PDGFRA: variants seen among roughly 807,000 people sequenced by gnomAD.
PDGFRA encodes the protein platelet-derived growth factor receptor alpha.
A neutral mutation model predicts 121.5 loss-of-function variants in PDGFRA; 25 were observed. The ratio of observed to expected loss-of-function variants is 0.21; its 90% CI spans 0.15 to 0.29. The LOEUF (loss-of-function observed/expected upper bound fraction) is 0.29. PDGFRA is among the 10% of genes least tolerant of loss of function. The pLI is 1.00. For synonymous variants in PDGFRA, 463 were observed against 494.8 expected (o/e 0.94, Z 0.85); for missense variants, 1,008 against 1,345.1 (o/e 0.75, Z 3.92).
At chr4:54,241,698 C>T (rs1207070069) in intron 1 of PDGFRA, among the ~76,000 whole-genome samples, 1 of 151,892 alleles carries the variant, frequency 6.6e-6, no homozygotes, top group Non-Finnish European at 1.5e-5. Flanking sequence ...TACAGGCATG[C>T]ACCACCACAC....
Position 54,277,946 on chromosome 4 carries a change from A to T in PDGFRA, c.1942A>T (p.Met648Leu), listed in dbSNP as rs2110311412. ...KQALMSELKI[M>L]THLGPHLNIV... ...AGCTCTCATGTCTGAACTGAAGATA[A>T]TGACTCACCTGGGGCCACATTTGAA... Residue 648 changes from methionine to leucine, a missense_variant, in exon 14 of 23, where the codon ATG becomes TTG. Met to Leu is a conservative substitution (Grantham distance 15). This residue lies in a region of PDGFRA where 61 missense variants were observed against 125.3 expected (regional missense o/e 0.49). Coordinates refer to ENST00000257290, the MANE Select transcript of PDGFRA (RefSeq NM_006206.6). 6.2e-7 allele frequency: 1 copy of T among 1,614,038 alleles called. No individual in the cohort carries two copies.
In PDGFRA at chr4:54,290,445, G is replaced by C; in HGVS notation, c.3013G>C (p.Gly1005Arg). 2 of 1,614,100 alleles carry C rather than the reference G, an allele frequency of 1.2e-6. No homozygotes were observed. The highest frequency in any genetic ancestry group is 1.7e-6 in the Non-Finnish European group (2 of 1,179,930). ...NEEDKLKDWE[G>R]GLDEQRLSAD... ...GGAAGACAAGCTGAAGGACTGGGAG[G>C]GTGGTCTGGATGAGCAGAGACTGAG... The change falls in exon 22 of 23, where the codon GGT (glycine) becomes CGT (arginine). Residue 1005 changes from glycine to arginine, a missense_variant. By Grantham distance (125) the Gly-to-Arg change is moderately radical (BLOSUM62 -2). Around this residue, in one of 5 missense-constraint regions of PDGFRA, gnomAD observed 204 missense variants for 243.0 expected, o/e 0.84. Coordinates refer to ENST00000257290, the MANE Select transcript of PDGFRA (RefSeq NM_006206.6).
intron 1 of PDGFRA, among the ~76,000 whole-genome samples, chr4:54,233,298 TGGGTCCCG>T (rs1350841822): frequency 6.6e-6 from 1 of 152,164 alleles, no homozygotes; most frequent in Non-Finnish European, 1.5e-5. Context: ...AGTGTTCCTC[TGGGTCCCG>T]GGGTCAGAAG....
chr4:54,282,437 T>C (rs1724127971), intron 16 of PDGFRA, among the ~76,000 whole-genome samples: 1 of 152,182 alleles, frequency 6.6e-6, no homozygotes, highest in Admixed American at 6.5e-5. Flanking sequence ...CACACACTTC[T>C]AAACAGTCAG....
chr4:54,229,321 CAG>C lies in PDGFRA; in HGVS notation c.-104_-103del, dbSNP rs1799767. 88,735 of 398,236 alleles carry C rather than the reference CAG, an allele frequency of 0.22. 10,616 individuals carry two copies. The highest frequency in any genetic ancestry group is 0.34 in the Admixed American group (7,726 of 22,702). 24.7% of individuals were successfully genotyped at this position (398,236 alleles called of 1,614,324 possible). A position where few individuals can be genotyped will look rare whatever the true frequency, so the allele number is the denominator to read the frequency against. The stretch of plus-strand genomic sequence containing the variant: ...ACTGTTGGAGCTACAGGGAGAGAAA[CAG>C]AGGAGGAGACTGCAAGAGATCATTG... On this transcript the variant is annotated 5_prime_UTR_variant, in exon 1 of 23. Transcript: ENST00000257290.
At chr4:54,288,033 C>T (rs1394670122) in intron 19 of PDGFRA, among the ~76,000 whole-genome samples, 1 of 152,132 alleles carries the variant, frequency 6.6e-6, no homozygotes, top group African/African-American at 2.4e-5. Flanking sequence ...CTGGGCTATC[C>T]GGTGAGGTCC....
At chr4:54,271,556 C>CCCTTCCTT (rs571664897) in intron 8 of PDGFRA, among the ~76,000 whole-genome samples, 2 of 151,314 alleles carry the variant, frequency 1.3e-5, no homozygotes, top group African/African-American at 2.4e-5. Flanking sequence ...TTCCCTCCCT[C>CCCTTCCTT]CCTTCCTTCC....
chr4:54,257,585 G>T (rs930295104), intron 1 of PDGFRA, among the ~76,000 whole-genome samples: 1 of 152,126 alleles, frequency 6.6e-6, no homozygotes, highest in Admixed American at 6.5e-5. Context: ...AAAACTGGGG[G>T]CTCTGCCCAG....
chr4:54,272,883 C>T (rs1030381761), intron 9 of PDGFRA, among the ~76,000 whole-genome samples: 7 of 152,134 alleles, frequency 4.6e-5, no homozygotes, highest in South Asian at 4.1e-4. Context: ...TGGGTTAATT[C>T]GCCATTCCCT....
At position 54,274,536 on chromosome 4, in the gene PDGFRA, C is replaced by G. The variant is rs974033003; in HGVS notation, c.1564C>G (p.Arg522Gly). 1 of 1,611,620 alleles carries G rather than the reference C, an allele frequency of 6.2e-7. No homozygotes were observed. The highest frequency in any genetic ancestry group is 8.5e-7 in the Non-Finnish European group (1 of 1,177,980). ...RELKLVAPTL[R>G]SELTVAAAVL... ...CTCTCTCTCTTGTCACGTAGCCCTG[C>G]GTTCTGAACTCACGGTGGCTGCTGC... The change falls in exon 11 of 23, where the codon CGT (arginine) becomes GGT (glycine). Residue 522 changes from arginine (R) to glycine (G), a missense_variant. This residue lies in a region of PDGFRA where 575 missense variants were observed against 701.8 expected (regional missense o/e 0.82). Transcript: ENST00000257290.
Position 54,280,419 on chromosome 4 carries a change from T to C in PDGFRA, c.2260T>C (p.Tyr754His), listed in dbSNP as rs536663502. The part of the protein sequence containing the change: ...PMLERKEVSK[Y>H]SDIQRSLYDR... Reference sequence around the variant, plus strand: ...GCTAGAAAGGAAAGAGGTTTCTAAATATTCCGACATCCAGAGATCACTCTA... The same window carrying C: ...GCTAGAAAGGAAAGAGGTTTCTAAACATTCCGACATCCAGAGATCACTCTA... The change falls in exon 16 of 23, where the codon TAT (tyrosine) becomes CAT (histidine). Residue 754 changes from tyrosine (Y) to histidine (H), a missense_variant. This residue lies in a region of PDGFRA where 128 missense variants were observed against 147.6 expected (regional missense o/e 0.87). Transcript: ENST00000257290. The C allele has an allele frequency of 6.2e-7, 1 of 1,613,768 alleles. No homozygotes were observed. The highest frequency in any genetic ancestry group is 1.7e-5 in the Admixed American group (1 of 60,030).
chr4:54,273,498 C>T, intron 9 of PDGFRA, 39 bp from the exon 10 acceptor site: 1 of 1,541,272 alleles, frequency 6.5e-7, no homozygotes, highest in East Asian at 2.2e-5. Context: ...CCATGACTCT[C>T]AGGAATTGGC....
rs2110291645 is a variant in PDGFRA at position 54,273,579 on chromosome 4, C to G, written c.1407C>G (p.Val469=). The change falls in exon 10 of 23, where the codon GTC becomes GTG. Residue 469 remains valine, a synonymous_variant. Transcript: ENST00000257290. ...CCTGGACTATTTTGGCCAACAATGTCTCAAACATCATCACGGAGATCCACT... is the reference window on the plus strand; with the variant it reads ...CCTGGACTATTTTGGCCAACAATGTGTCAAACATCATCACGGAGATCCACT... The part of the protein sequence containing the change: ...ETSWTILANN[V]SNIITEIHSR... 1 of 1,614,138 alleles carries G rather than the reference C, an allele frequency of 6.2e-7. No individual in the cohort carries two copies. The highest frequency in any genetic ancestry group is 8.5e-7 in the Non-Finnish European group (1 of 1,180,004).
At chr4:54,288,656 G>A (rs1724472068) in intron 19 of PDGFRA, 143 bp from the exon 20 acceptor site, 1 of 717,888 alleles carries the variant, frequency 1.4e-6, no homozygotes, top group Non-Finnish European at 2.6e-6. Flanking sequence ...TCAAGGAGAT[G>A]ATGACACTGA....
At chr4:54,287,075 A>G (rs572236023) in intron 18 of PDGFRA, among the ~76,000 whole-genome samples, 9 of 152,198 alleles carry the variant, frequency 5.9e-5, no homozygotes, top group Non-Finnish European at 8.8e-5. Context: ...CTCATAGATC[A>G]TTGGATCTGT....
intron 1 of PDGFRA, among the ~76,000 whole-genome samples, chr4:54,249,139 T>C (rs995904628): frequency 1.3e-5 from 2 of 152,182 alleles, no homozygotes; most frequent in Non-Finnish European, 2.9e-5. Context: ...TTGGTGGGAC[T>C]GTAAACTAGT....
At chr4:54,265,744 A>C (rs531907436) in intron 5 of PDGFRA, among the ~76,000 whole-genome samples, 1 of 152,184 alleles carries the variant, frequency 6.6e-6, no homozygotes, top group African/African-American at 2.4e-5. Context: ...ATTCTAATGC[A>C]TTGTCACTAA....
intron 1 of PDGFRA, among the ~76,000 whole-genome samples, chr4:54,253,273 C>T (rs1415632262): frequency 1.3e-5 from 2 of 152,164 alleles, no homozygotes; most frequent in African/African-American, 4.8e-5. Context: ...AAGCACTTTC[C>T]ATTAATCTCC....
intron 16 of PDGFRA, among the ~76,000 whole-genome samples, chr4:54,283,205 T>C (rs1008714031): frequency 6.6e-6 from 1 of 152,164 alleles, no homozygotes. Flanking sequence ...ACATTTCCCC[T>C]CTGCAGTGCC....
Sources: gnomAD v4.1 joint callset for allele counts (sites outside exome capture counted in the v4.1 genomes callset) on GRCh38, gnomAD v4.1.1 for gene constraint, gnomAD v4.1.1 regional missense constraint, MANE v1.5 for transcripts, NCBI Gene and HGNC (gene_info 2026-07-23, HGNC 2026-07-21) for gene names.